The following ABHD16A variants were observed in gnomAD, a reference collection of about 807,000 sequenced individuals.
The protein encoded by ABHD16A is phosphatidylserine lipase ABHD16A.
In ABHD16A, 47 loss-of-function variants were observed where a neutral mutation model predicts 89.8. The observed-to-expected ratio is 0.52, with a 90% CI of 0.41 to 0.67. The LOEUF (loss-of-function observed/expected upper bound fraction) is 0.67. Ranked by LOEUF, ABHD16A falls within the 30% of genes least tolerant of loss-of-function variation. The pLI, the probability that ABHD16A is intolerant of heterozygous loss-of-function variation, is 0.00. For synonymous variants in ABHD16A, 251 were observed against 280.4 expected (o/e 0.90, Z 1.05); for missense variants, 580 against 734.6 (o/e 0.79, Z 2.43).
intron 2 of ABHD16A, 125 bp downstream of exon 2, chr6:31,701,949 C>G: frequency 1.0e-6 from 1 of 1,001,400 alleles, no homozygotes; most frequent in Non-Finnish European, 1.6e-6. Flanking sequence ...TTGGAGAGGT[C>G]TGCTGCAGAG....
chr6:31,688,034 C>A lies in ABHD16A; in HGVS notation c.1370+7G>T. On this transcript the variant is annotated splice_region_variant and intron_variant, in intron 16 of 19. Coordinates refer to ENST00000395952, the MANE Select transcript of ABHD16A (RefSeq NM_021160.3). This position sits in a 1 kb window ranked among gnomAD's most constrained non-coding sequence, Gnocchi z 4.9. ...TGCCCCCAGCGCGCACACACCCTGGCTCTCACCGATGCTGCAGGAGCTTCA... is the reference window on the plus strand; with the variant it reads ...TGCCCCCAGCGCGCACACACCCTGGATCTCACCGATGCTGCAGGAGCTTCA... The A allele has an allele frequency of 1.2e-6, 2 of 1,612,364 alleles. No individual in the cohort carries two copies. The highest frequency in any genetic ancestry group is 1.7e-5 in the Admixed American group (1 of 59,954).
At position 31,688,388 on chromosome 6, in the gene ABHD16A, C is replaced by T. The variant is rs1803517658; in HGVS notation, c.1251-83G>A. The T allele has an allele frequency of 7.3e-7, 1 of 1,364,600 alleles. No homozygotes were observed. The allele number at this position is 1,364,600 out of a possible 1,614,324, so 84.5% of individuals were successfully genotyped here. On this transcript the variant is annotated intron_variant, in intron 14 of 19. Coordinates refer to ENST00000395952, the MANE Select transcript of ABHD16A (RefSeq NM_021160.3). This position sits in a 1 kb window ranked among gnomAD's most constrained non-coding sequence, Gnocchi z 4.9. ...CCCACCCCTATCCCTGCACTGGTAGCATTCTTACCCTCCCCTTGCTATAGC... is the reference window on the plus strand; with the variant it reads ...CCCACCCCTATCCCTGCACTGGTAGTATTCTTACCCTCCCCTTGCTATAGC...
Position 31,687,328 on chromosome 6 carries a change from G to C in ABHD16A, c.1594-33C>G. 1 of 1,609,776 alleles carries C rather than the reference G, an allele frequency of 6.2e-7. No homozygotes were observed. Among genetic ancestry groups the C allele is most frequent in the South Asian group, 1.1e-5 (1 of 90,948 alleles). ...AAGGAGGTGGGACAGGTGGGGTACA[G>C]AGCACTGTTGGGAGGGGCAGCCACT... On this transcript the variant is annotated intron_variant, in intron 19 of 19. Transcript: ENST00000395952. The surrounding 1 kb of genome is among the most constrained non-coding windows in gnomAD (Gnocchi z 6.3).
At position 31,696,995 on chromosome 6, in the gene ABHD16A, T is replaced by C. The variant is rs1804461368; in HGVS notation, c.382A>G (p.Ile128Val). The C allele has an allele frequency of 3.7e-6, 6 of 1,613,036 alleles. No homozygotes were observed. Among genetic ancestry groups the C allele is most frequent in the Non-Finnish European group, 5.1e-6 (6 of 1,180,004 alleles). ...RWTNPQYRQF[I>V]TILEATHRNQ... ...CGATGTGTTGCTTCCAAGATGGTGA[T>C]GAACTGCCGGTACTGGGGGTTGGTC... is the stretch of plus-strand genomic sequence containing the variant. Residue 128 changes from isoleucine to valine, a missense_variant, in exon 5 of 20, where the codon ATC becomes GTC. Around this residue, in one of 2 missense-constraint regions of ABHD16A, gnomAD observed 165 missense variants for 165.8 expected, o/e 1.00. Coordinates refer to ENST00000395952, the MANE Select transcript of ABHD16A (RefSeq NM_021160.3).
intron 7 of ABHD16A, 71 bp downstream of exon 7, chr6:31,692,956 C>A: frequency 6.3e-7 from 1 of 1,599,116 alleles, no homozygotes; most frequent in Non-Finnish European, 8.6e-7. Context: ...TACAATGGAG[C>A]GCCCACTCCC....
intron 1 of ABHD16A, chr6:31,702,528 G>A (rs1805115044): frequency 8.3e-7 from 1 of 1,203,804 alleles, no homozygotes; most frequent in Non-Finnish European, 1.1e-6. Context: ...AGAAGAGAAT[G>A]TGGGTAGGAG....
chr6:31,689,818 A>AG (rs1803685704), intron 11 of ABHD16A, 114 bp from the exon 12 acceptor site: 1 of 1,443,208 alleles, frequency 6.9e-7, no homozygotes, highest in African/African-American at 1.4e-5. Context: ...AAGGTGTAGA[A>AG]GGAAGGGATG....
At position 31,701,555 on chromosome 6, in the gene ABHD16A, T is replaced by G. The variant is rs1297476397; in HGVS notation, c.190-215A>C. 2.6e-5 allele frequency among the ~76,000 whole-genome samples: 4 copies of G among 152,174 alleles called. No individual in the cohort carries two copies. The East Asian group carries it at 7.7e-4, about 29-fold the overall frequency. On this transcript the variant is annotated intron_variant, in intron 2 of 19. Coordinates refer to ENST00000395952, the MANE Select transcript of ABHD16A (RefSeq NM_021160.3). ...CTGGGAAAATTTGGTACAGGCTCTA[T>G]TTTCTTCCTCTGGAATTATGGAAGA... is the stretch of plus-strand genomic sequence containing the variant.
intron 2 of ABHD16A, among the ~76,000 whole-genome samples, chr6:31,701,744 A>G (rs752219494): frequency 1.3e-5 from 2 of 152,194 alleles, no homozygotes; most frequent in Non-Finnish European, 2.9e-5. Flanking sequence ...CAGAAAGAAC[A>G]GCTGTCCCTG....
chr6:31,688,638 C>T lies in ABHD16A; in HGVS notation c.1250+85G>A, dbSNP rs1803536219. 6.6e-7 allele frequency: 1 copy of T among 1,506,680 alleles called. No homozygotes were observed. Among genetic ancestry groups the T allele is most frequent in the Non-Finnish European group, 9.2e-7 (1 of 1,091,656 alleles). 93.3% of individuals were successfully genotyped at this position (1,506,680 alleles called of 1,614,324 possible). A position where few individuals can be genotyped will look rare whatever the true frequency, so the allele number is the denominator to read the frequency against. ...GCCAGTGGCCTTTTACCAACTTGCA[C>T]TTTAGTACTAGTTTCAGGGTTTGAG... On this transcript the variant is annotated intron_variant, in intron 14 of 19. Transcript: ENST00000395952. The surrounding 1 kb of genome is among the most constrained non-coding windows in gnomAD (Gnocchi z 4.9).
At position 31,696,930 on chromosome 6, in the gene ABHD16A, T is replaced by C; in HGVS notation, c.429+18A>G. The C allele has an allele frequency of 6.2e-7, 1 of 1,609,648 alleles. No individual in the cohort carries two copies. Among genetic ancestry groups the C allele is most frequent in the Non-Finnish European group, 8.5e-7 (1 of 1,176,920 alleles). On this transcript the variant is annotated intron_variant, in intron 5 of 19. Transcript: ENST00000395952. ...TGCTATTGGGTGCCTGTGTGGCACT[T>C]TTCCTAGGGCCTCTCACCTTGTTTT...
chr6:31,699,302 G>C (rs906244316), intron 4 of ABHD16A, among the ~76,000 whole-genome samples: 2 of 151,550 alleles, frequency 1.3e-5, no homozygotes, highest in African/African-American at 2.4e-5. Context: ...CCAGCTACTC[G>C]GGAGGCTGAA....
In ABHD16A at chr6:31,693,019, T is replaced by C. The variant is rs990912764; in HGVS notation, c.626+8A>G. ...CCCAGTGGGCCTCTCCTCGCTGCTG[T>C]TTCCCACCTGGTGATCTGACAAGGC... On this transcript the variant is annotated splice_region_variant and intron_variant, in intron 7 of 19. Transcript: ENST00000395952. The surrounding 1 kb of genome is among the most constrained non-coding windows in gnomAD (Gnocchi z 5.0). 1 of 1,614,166 alleles carries C rather than the reference T, an allele frequency of 6.2e-7. No homozygotes were observed. Among genetic ancestry groups the C allele is most frequent in the Non-Finnish European group, 8.5e-7 (1 of 1,180,018 alleles).
At position 31,693,472 on chromosome 6, in the gene ABHD16A, A is replaced by C; in HGVS notation, c.430-40T>G. 6.2e-7 allele frequency: 1 copy of C among 1,600,762 alleles called. No individual in the cohort carries two copies. Among genetic ancestry groups the C allele is most frequent in the East Asian group, 2.2e-5 (1 of 44,702 alleles). ...AGAGGCAAAGGGGTACTGAGAACTC[A>C]GGGGAGGCTCTCCTACCCACCCTCA... is the stretch of plus-strand genomic sequence containing the variant. On this transcript the variant is annotated intron_variant, in intron 5 of 19. Coordinates refer to ENST00000395952, the MANE Select transcript of ABHD16A (RefSeq NM_021160.3). The surrounding 1 kb of genome is among the most constrained non-coding windows in gnomAD (Gnocchi z 5.0).
Position 31,701,353 on chromosome 6 carries a change from G to A in ABHD16A, c.190-13C>T, listed in dbSNP as rs1461979649. The A allele has an allele frequency of 1.3e-6, 2 of 1,592,156 alleles. No homozygotes were observed. Among genetic ancestry groups the A allele is most frequent in the African/African-American group, 1.5e-5 (1 of 68,166 alleles). ...AGAATACTGAAGCCTGCAGCAGAGAGACAGGGACAGGCAATCAATACACAC... is the reference window on the plus strand; with the variant it reads ...AGAATACTGAAGCCTGCAGCAGAGAAACAGGGACAGGCAATCAATACACAC... On this transcript the variant is annotated splice_polypyrimidine_tract_variant and intron_variant, in intron 2 of 19. Transcript: ENST00000395952.
Position 31,690,710 on chromosome 6 carries a change from G to C in ABHD16A, c.844-108C>G. On this transcript the variant is annotated intron_variant, in intron 9 of 19. Coordinates refer to ENST00000395952, the MANE Select transcript of ABHD16A (RefSeq NM_021160.3). This position sits in a 1 kb window ranked among gnomAD's most constrained non-coding sequence, Gnocchi z 4.1. ...AGAGCTTTGCAGGGAAGAGGAAAGG[G>C]CAGGTTTCTGTTTTCTCCAAGGGGA... is the stretch of plus-strand genomic sequence containing the variant. The C allele has an allele frequency of 1.0e-6, 1 of 973,168 alleles. No individual in the cohort carries two copies. The highest frequency in any genetic ancestry group is 1.3e-5 in the South Asian group (1 of 76,266). 60.3% of individuals were successfully genotyped at this position (973,168 alleles called of 1,614,324 possible). A position where few individuals can be genotyped will look rare whatever the true frequency, so the allele number is the denominator to read the frequency against.
intron 5 of ABHD16A, among the ~76,000 whole-genome samples, chr6:31,695,626 G>C (rs950298060): frequency 1.3e-5 from 2 of 152,204 alleles, no homozygotes; most frequent in Admixed American, 6.5e-5. Context: ...GGGAGGCTGA[G>C]GCAGGAGAAT....
Position 31,690,016 on chromosome 6 carries a change from G to T in ABHD16A, c.957+62C>A. On this transcript the variant is annotated intron_variant, in intron 11 of 19. Coordinates refer to ENST00000395952, the MANE Select transcript of ABHD16A (RefSeq NM_021160.3). The surrounding 1 kb of genome is among the most constrained non-coding windows in gnomAD (Gnocchi z 4.1). Reference sequence around the variant, plus strand: ...CCACAGCCCCTCTCCTCCCTCCAATGGCTGACCAGAGGGAAACAGACATAA... The same window carrying T: ...CCACAGCCCCTCTCCTCCCTCCAATTGCTGACCAGAGGGAAACAGACATAA... 6.6e-7 allele frequency: 1 copy of T among 1,506,022 alleles called. No homozygotes were observed. The highest frequency in any genetic ancestry group is 9.0e-7 in the Non-Finnish European group (1 of 1,117,210). The allele number at this position is 1,506,022 out of a possible 1,614,324, so 93.3% of individuals were successfully genotyped here.
At position 31,693,860 on chromosome 6, in the gene ABHD16A, C is replaced by T. The variant is rs1209495857; in HGVS notation, c.430-428G>A. Among the ~76,000 whole-genome samples the T allele has an allele frequency of 6.6e-6, 1 of 152,140 alleles. No individual in the cohort carries two copies. Among genetic ancestry groups the T allele is most frequent in the East Asian group, 1.9e-4 (1 of 5,192 alleles). On this transcript the variant is annotated intron_variant, in intron 5 of 19. Coordinates refer to ENST00000395952, the MANE Select transcript of ABHD16A (RefSeq NM_021160.3). The surrounding 1 kb of genome is among the most constrained non-coding windows in gnomAD (Gnocchi z 5.0). The stretch of plus-strand genomic sequence containing the variant: ...TCTCCCAGCAGATCACACTGACAGA[C>T]CCAAGGTTGAGTGAGACAGAGAGGA...
Sources: allele counts gnomAD v4.1 joint callset (sites outside exome capture counted in the v4.1 genomes callset), GRCh38; gene constraint gnomAD v4.1.1; regional missense constraint gnomAD v4.1.1; non-coding constraint Gnocchi (gnomAD v3.1); transcripts MANE v1.5; gene names NCBI Gene and HGNC (gene_info 2026-07-23, HGNC 2026-07-21).